Variants in UBE2D2 observed in about 807,000 individuals in gnomAD.
The protein encoded by UBE2D2 is ubiquitin-conjugating enzyme E2 D2.
UBE2D2 carries 2 observed loss-of-function variants against 24.2 expected under a neutral mutation model. The observed-to-expected ratio is 0.08, with a 90% CI of 0.03 to 0.26. The LOEUF (loss-of-function observed/expected upper bound fraction) is 0.26. Among genes scored for constraint, UBE2D2 ranks in the 10% least tolerant of loss-of-function variants. UBE2D2 has a pLI of 1.00. For missense variants in UBE2D2, 44 were observed against 177.6 expected (o/e 0.25, Z 4.28); for synonymous variants, 58 against 56.5 (o/e 1.03, Z -0.12).
rs1753087186 is a variant in UBE2D2, at chr5:139,561,463, CT to C, written c.-325del. The stretch of plus-strand genomic sequence containing the variant: ...AGGCCGGCCGAGCCCGAGGCTTGGG[CT>C]TTTGCTTTCTGGCGGAGGGATCTGC... On this transcript the variant is annotated 5_prime_UTR_variant, in exon 1 of 7. Transcript: ENST00000398733. 3.1e-6 allele frequency: 1 copy of C among 317,530 alleles called. No individual in the cohort carries two copies. Among genetic ancestry groups the C allele is most frequent in the African/African-American group, 2.2e-5 (1 of 46,430 alleles). The allele number at this position is 317,530 out of a possible 1,614,324, so 19.7% of individuals were successfully genotyped here. A position where few individuals can be genotyped will look rare whatever the true frequency, so the allele number is the denominator to read the frequency against.
chr5:139,604,102 T>C (rs879430444), intron 2 of UBE2D2, among the ~76,000 whole-genome samples: 14 of 152,090 alleles, frequency 9.2e-5, no homozygotes, highest in Non-Finnish European at 1.5e-4. Flanking sequence ...GCAAGTCATA[T>C]ATCTCATAAG....
intron 1 of UBE2D2, among the ~76,000 whole-genome samples, chr5:139,585,127 G>A (rs1171161717): frequency 6.6e-6 from 1 of 150,544 alleles, no homozygotes; most frequent in Non-Finnish European, 1.5e-5. Flanking sequence ...CTCGAACTCC[G>A]CACCTCACAT....
At chr5:139,602,537 G>T (rs1561516949) in intron 2 of UBE2D2, among the ~76,000 whole-genome samples, 1 of 151,984 alleles carries the variant, frequency 6.6e-6, no homozygotes, top group Non-Finnish European at 1.5e-5. Context: ...AATTAGCCTG[G>T]CCTGGTGGTG....
chr5:139,536,314 G>A (rs1752681628), intron 1 of UBE2D2, among the ~76,000 whole-genome samples: 1 of 151,608 alleles, frequency 6.6e-6, no homozygotes, highest in South Asian at 2.1e-4. Context: ...GGTCAGGCTG[G>A]TCTCGAACTC....
intron 6 of UBE2D2, among the ~76,000 whole-genome samples, chr5:139,624,385 T>C (rs919640102): frequency 3.9e-5 from 6 of 152,212 alleles, no homozygotes; most frequent in Non-Finnish European, 7.3e-5. Flanking sequence ...TACCTCAGCC[T>C]CTGGAGTAGC....
chr5:139,603,771 C>T (rs571682136), intron 2 of UBE2D2, among the ~76,000 whole-genome samples: 10 of 151,886 alleles, frequency 6.6e-5, no homozygotes, highest in African/African-American at 2.2e-4. Context: ...CTGGTGAAAC[C>T]CCGTCTACTA....
At chr5:139,574,085 CTTT>C (rs913940070) in intron 1 of UBE2D2, among the ~76,000 whole-genome samples, 2 of 144,718 alleles carry the variant, frequency 1.4e-5, no homozygotes, top group Non-Finnish European at 3.0e-5. Context: ...TAACTTCTCT[CTTT>C]TTTTTTTTTG....
At chr5:139,575,299 CTTTT>C (rs1229053772) in intron 1 of UBE2D2, among the ~76,000 whole-genome samples, 1 of 152,084 alleles carries the variant, frequency 6.6e-6, no homozygotes, top group African/African-American at 2.4e-5. Context: ...GTGGACTTTT[CTTTT>C]TTTAAGTTTT....
At chr5:139,577,051 A>T (rs1472049089) in intron 1 of UBE2D2, among the ~76,000 whole-genome samples, 1 of 149,498 alleles carries the variant, frequency 6.7e-6, no homozygotes, top group Admixed American at 6.8e-5. Context: ...AAAATTTAAC[A>T]GTTTATGTGA....
intron 1 of UBE2D2, among the ~76,000 whole-genome samples, chr5:139,565,068 C>G (rs1446136553): frequency 6.6e-6 from 1 of 152,136 alleles, no homozygotes; most frequent in Non-Finnish European, 1.5e-5. Flanking sequence ...TGATCTTGAA[C>G]CTTCCCAATT....
chr5:139,550,864 C>T (rs1468058183), intron 1 of UBE2D2, among the ~76,000 whole-genome samples: 1 of 152,146 alleles, frequency 6.6e-6, no homozygotes, highest in Non-Finnish European at 1.5e-5. Context: ...AAACTCCGGA[C>T]ATACCATCTT....
intron 5 of UBE2D2, among the ~76,000 whole-genome samples, chr5:139,623,020 G>A (rs1754545179): frequency 6.6e-6 from 1 of 151,948 alleles, no homozygotes; most frequent in Non-Finnish European, 1.5e-5. Context: ...TGACCAACAT[G>A]GCGAAACCCC....
At chr5:139,530,382 GCTT>G (rs970129711) in intron 1 of UBE2D2, among the ~76,000 whole-genome samples, 3 of 152,124 alleles carry the variant, frequency 2.0e-5, no homozygotes, top group Non-Finnish European at 2.9e-5. Flanking sequence ...CCCAGTCTAT[GCTT>G]CCTGCAAAAA....
intron 6 of UBE2D2, 126 bp downstream of exon 6, chr5:139,623,587 G>C: frequency 1.7e-6 from 1 of 602,146 alleles, no homozygotes; most frequent in Non-Finnish European, 2.8e-6. Flanking sequence ...ACTCTCCTGG[G>C]GCTAGAAAAG....
chr5:139,565,165 T>C (rs1485047085), intron 1 of UBE2D2, among the ~76,000 whole-genome samples: 1 of 152,228 alleles, frequency 6.6e-6, no homozygotes. Flanking sequence ...ATAAGATTTT[T>C]CTAAGAAAAA....
chr5:139,535,074 A>G (rs1320313387), intron 1 of UBE2D2, among the ~76,000 whole-genome samples: 1 of 151,834 alleles, frequency 6.6e-6, no homozygotes, highest in Non-Finnish European at 1.5e-5. Flanking sequence ...TGGGAGGCAG[A>G]GGTTTCAGTG....
intron 1 of UBE2D2, among the ~76,000 whole-genome samples, chr5:139,564,826 G>T (rs1753184889): frequency 6.6e-6 from 1 of 152,116 alleles, no homozygotes; most frequent in African/African-American, 2.4e-5. Context: ...CACAAAGTAT[G>T]GCTTGACTTC....
chr5:139,579,310 G>T (rs1348427551), intron 1 of UBE2D2, among the ~76,000 whole-genome samples: 3 of 152,232 alleles, frequency 2.0e-5, no homozygotes, highest in Non-Finnish European at 4.4e-5. Flanking sequence ...ACCACACCCG[G>T]TTTATTTTGT....
Position 139,623,455 on chromosome 5 carries a change from G to C in UBE2D2, c.392G>C (p.Arg131Thr). The part of the protein sequence containing the change: ...PEIARIYKTD[R>T]EKYNRIAREW... ...ATTGCTCGGATCTACAAAACAGATA[G>C]AGAAAAGTAAGTATGGCCTCAAGAT... Residue 131 changes from arginine to threonine, a missense_variant, in exon 6 of 7, where the codon AGA becomes ACA. Physicochemically the swap from Arg to Thr is moderately conservative, Grantham distance 71. Transcript: ENST00000398733. 1 of 1,601,126 alleles carries C rather than the reference G, an allele frequency of 6.2e-7. No homozygotes were observed. Among genetic ancestry groups the C allele is most frequent in the South Asian group, 1.1e-5 (1 of 90,056 alleles).
Sources: gnomAD v4.1 joint callset for allele counts (sites outside exome capture counted in the v4.1 genomes callset) on GRCh38, gnomAD v4.1.1 for gene constraint, MANE v1.5 for transcripts, NCBI Gene and HGNC (gene_info 2026-07-23, HGNC 2026-07-21) for gene names.